P2RX5: variants seen among roughly 807,000 people sequenced by gnomAD.
P2RX5 encodes the protein purinergic receptor P2X 5.
In P2RX5, 46 loss-of-function variants were observed where a neutral mutation model predicts 54.1. That is an observed-to-expected ratio of 0.85 (90% CI 0.67 to 1.09). The LOEUF is 1.09. Among genes scored for constraint, P2RX5 ranks in the 50% least tolerant of loss-of-function variants. The pLI is 0.00. For synonymous variants in P2RX5, 226 were observed against 226.4 expected, an observed-to-expected ratio of 1.00 and a Z score of 0.02; for missense variants, 566 against 549.8, an observed-to-expected ratio of 1.03 and a Z score of -0.29.
At chr17:3,693,413 T>G (rs1370442253) in intron 1 of P2RX5, among the ~76,000 whole-genome samples, 1 of 152,098 alleles carries the variant, frequency 6.6e-6, no homozygotes, top group African/African-American at 2.4e-5. Context: ...AAGGATCGAG[T>G]TACCAGATAA....
intron 11 of P2RX5, chr17:3,676,270 C>T: frequency 1.0e-6 from 1 of 985,394 alleles, no homozygotes. Context: ...TACTTCATGT[C>T]CATTTTTGAC....
upstream of P2RX5, among the ~76,000 whole-genome samples, chr17:3,700,999 C>T (rs1202793529): frequency 1.3e-5 from 2 of 152,150 alleles, no homozygotes; most frequent in South Asian, 4.1e-4. Flanking sequence ...CACGGCCCCC[C>T]TCCTTCTCCT....
At chr17:3,689,774 C>T (rs1057353192) in intron 6 of P2RX5, 144 bp from the exon 7 acceptor site, 1 of 1,020,370 alleles carries the variant, frequency 9.8e-7, no homozygotes, top group Non-Finnish European at 1.5e-6. Flanking sequence ...GAAGGGGCGC[C>T]CCAGCACCAC....
chr17:3,695,762 GA>G (rs2050741016), intron 1 of P2RX5, 106 bp downstream of exon 1: 3 of 1,425,518 alleles, frequency 2.1e-6, no homozygotes, highest in Admixed American at 1.7e-5. Context: ...CAGCTACCGG[GA>G]AAACCGCGTG....
chr17:3,723,800 G>A, the P2RX5 span: 12 of 1,592,198 alleles, frequency 7.5e-6, no homozygotes, highest in Non-Finnish European at 1.0e-5. Context: ...CCAGTTTTCC[G>A]TCCCGTCCCG....
chr17:3,713,851 G>T, the P2RX5 span, among the ~76,000 whole-genome samples: 1 of 129,496 alleles, frequency 7.7e-6, no homozygotes, highest in African/African-American at 2.5e-5. Flanking sequence ...AACTTAACCT[G>T]TATGTTTAAA....
chr17:3,695,704 C>A (rs1243992857), intron 1 of P2RX5, among the ~76,000 whole-genome samples, 165 bp downstream of exon 1: 1 of 152,144 alleles, frequency 6.6e-6, no homozygotes, highest in Admixed American at 6.5e-5. Context: ...TACTCCTACA[C>A]CCAAGGACCC....
chr17:3,695,944 T>C lies in P2RX5; in HGVS notation c.62A>G (p.Tyr21Cys), dbSNP rs2050749733. 2 of 1,613,906 alleles carry C rather than the reference T, an allele frequency of 1.2e-6. No homozygotes were observed. Among genetic ancestry groups the C allele is most frequent in the Non-Finnish European group, 8.5e-7 (1 of 1,179,842 alleles). ...CACCTTCTTGTTCTTGGCGATGACA[T>C]ACTTCTCGGTCTTGTAGTCGAACAG... is the stretch of plus-strand genomic sequence containing the variant. ...LSLFDYKTEK[Y>C]VIAKNKKVGL... Residue 21 changes from tyrosine (Y) to cysteine (C), a missense_variant, in exon 1 of 12, where the codon TAT becomes TGT. Transcript: ENST00000225328.
the P2RX5 span, among the ~76,000 whole-genome samples, chr17:3,721,195 C>G: frequency 1.3e-5 from 2 of 148,588 alleles, no homozygotes; most frequent in African/African-American, 5.0e-5. Context: ...TCCCACAGTG[C>G]TGAGATTACA....
rs766078055 is a variant in P2RX5 at position 3,679,732 on chromosome 17, G to A, written c.1117C>T (p.Leu373=). 1 of 1,612,318 alleles carries A rather than the reference G, an allele frequency of 6.2e-7. No homozygotes were observed. Among genetic ancestry groups the A allele is most frequent in the African/African-American group, 1.3e-5 (1 of 74,870 alleles). The change falls in exon 11 of 12, where the codon CTA becomes TTA. Residue 373 remains leucine, a synonymous_variant. Transcript: ENST00000225328. ...GGCCCAGATGTGAGCTGCTCAGATA[G>A]CCCCAGCCCCGATGCCTCGTCCTCG... ...EAEDEASGLG[L]SEQLTSGPGL...
chr17:3,680,126 A>C (rs2050208078), intron 10 of P2RX5, among the ~76,000 whole-genome samples: 2 of 126,864 alleles, frequency 1.6e-5, no homozygotes, highest in African/African-American at 6.3e-5. Flanking sequence ...TGCATCCTCC[A>C]CCCTGCATCC....
In P2RX5 at chr17:3,688,692, G is replaced by A; in HGVS notation, c.821C>T (p.Pro274Leu). 1 of 1,613,416 alleles carries A rather than the reference G, an allele frequency of 6.2e-7. No homozygotes were observed. The highest frequency in any genetic ancestry group is 8.5e-7 in the Non-Finnish European group (1 of 1,179,352). ...DLDKAASECHPHYSFSRLDNK... is the reference protein window; with the variant it reads ...DLDKAASECHLHYSFSRLDNK... ...GTCCAGACGGCTAAAAGAATAGTGA[G>A]GGTGGCACTCAGAGGCAGCTTTATC... is the stretch of plus-strand genomic sequence containing the variant. The change falls in exon 8 of 12, where the codon CCT becomes CTT. Residue 274 changes from proline to leucine, a missense_variant. Coordinates refer to ENST00000225328, the MANE Select transcript of P2RX5 (RefSeq NM_002561.4).
chr17:3,719,235 CA>C, the P2RX5 span, among the ~76,000 whole-genome samples: 419 of 66,226 alleles, frequency 6.3e-3, 7 homozygotes, highest in African/African-American at 0.019. Context: ...GATTCTTCCT[CA>C]AAAAAAAAAA....
chr17:3,673,763 T>G lies in P2RX5; in HGVS notation c.*105A>C. 6.2e-7 allele frequency: 1 copy of G among 1,610,926 alleles called. No individual in the cohort carries two copies. The highest frequency in any genetic ancestry group is 1.1e-5 in the South Asian group (1 of 90,754). ...GATGTGGCATTGATAGCACCCAATG[T>G]ACAAATTTCCCGTTGGGCAGCATCC... is the stretch of plus-strand genomic sequence containing the variant. On this transcript the variant is annotated 3_prime_UTR_variant, in exon 12 of 12. Coordinates refer to ENST00000225328, the MANE Select transcript of P2RX5 (RefSeq NM_002561.4).
intron 11 of P2RX5, chr17:3,676,165 T>C (rs1245725896): frequency 2.0e-6 from 2 of 985,334 alleles, no homozygotes; most frequent in East Asian, 2.3e-4. Context: ...AGGGCTGAGC[T>C]CCAGGTTTCT....
At chr17:3,683,167 T>C (rs1181626116) in intron 9 of P2RX5, among the ~76,000 whole-genome samples, 1 of 152,038 alleles carries the variant, frequency 6.6e-6, no homozygotes, top group Non-Finnish European at 1.5e-5. Flanking sequence ...AGAGGGAGAC[T>C]CCACCCACAG....
the P2RX5 span, chr17:3,723,804 C>T: frequency 6.3e-6 from 10 of 1,588,348 alleles, no homozygotes; most frequent in Admixed American, 1.8e-5. Flanking sequence ...TTTTCCGTCC[C>T]GTCCCGGCCC....
At chr17:3,700,902 C>T (rs1036153212), upstream of P2RX5, among the ~76,000 whole-genome samples, 1 of 152,180 alleles carries the variant, frequency 6.6e-6, no homozygotes, top group African/African-American at 2.4e-5. Context: ...CTTCCTGAGG[C>T]CTCCCCAGAA....
chr17:3,679,136 C>T (rs1441535582), intron 11 of P2RX5, among the ~76,000 whole-genome samples: 2 of 152,172 alleles, frequency 1.3e-5, no homozygotes, highest in Admixed American at 6.5e-5. Flanking sequence ...CAGACACTGC[C>T]GGGATTCAAA....
Sources: gnomAD v4.1 joint callset for allele counts (sites outside exome capture counted in the v4.1 genomes callset) on GRCh38, gnomAD v4.1.1 for gene constraint, MANE v1.5 for transcripts, NCBI Gene and HGNC (gene_info 2026-07-23, HGNC 2026-07-21) for gene names.